Variants in COL22A1 observed in about 807,000 individuals in gnomAD.
COL22A1 encodes the protein collagen alpha-1(XXII) chain.
Under a neutral mutation model 248.9 loss-of-function variants are expected in COL22A1, and 221 were observed. The ratio of observed to expected loss-of-function variants is 0.89; its 90% confidence interval spans 0.80 to 0.99. The LOEUF (loss-of-function observed/expected upper bound fraction) is 0.99. COL22A1 is among the 50% of genes least tolerant of loss of function. COL22A1 has a pLI of 0.00. For missense variants in COL22A1, 2,240 were observed against 2,179.0 expected, an observed-to-expected ratio of 1.03 and a Z score of -0.56; for synonymous variants, 891 against 793.4, an observed-to-expected ratio of 1.12 and a Z score of -2.07.
intron 21 of COL22A1, among the ~76,000 whole-genome samples, chr8:138,754,828 C>T (rs1832862220): frequency 6.6e-6 from 1 of 152,222 alleles, no homozygotes; most frequent in African/African-American, 2.4e-5. Context: ...TTTTATTCTA[C>T]TTTATCTGAA....
At chr8:138,827,720 C>G (rs73366857) in intron 5 of COL22A1, among the ~76,000 whole-genome samples, 172 of 151,982 alleles carry the variant, frequency 1.1e-3, no homozygotes, top group African/African-American at 3.8e-3. Flanking sequence ...TCAATCCCCC[C>G]CACCGAGAAC....
intron 3 of COL22A1, among the ~76,000 whole-genome samples, chr8:138,850,432 CA>C (rs1293948514): frequency 6.6e-6 from 1 of 152,234 alleles, no homozygotes; most frequent in Non-Finnish European, 1.5e-5. Flanking sequence ...AACACTGGCC[CA>C]GGAGATCAGG....
intron 49 of COL22A1, among the ~76,000 whole-genome samples, chr8:138,633,215 C>A (rs1323494563): frequency 6.6e-6 from 1 of 152,242 alleles, no homozygotes; most frequent in African/African-American, 2.4e-5. Flanking sequence ...GCTGCCTCAG[C>A]ATCCATTCTC....
chr8:138,845,666 C>G (rs1376512033), intron 3 of COL22A1, among the ~76,000 whole-genome samples: 1 of 152,162 alleles, frequency 6.6e-6, no homozygotes, highest in African/African-American at 2.4e-5. Flanking sequence ...CCCTCTGTGG[C>G]TTAGAGAAGT....
chr8:138,769,529 G>T (rs1328445668), intron 16 of COL22A1, among the ~76,000 whole-genome samples: 1 of 151,916 alleles, frequency 6.6e-6, no homozygotes, highest in African/African-American at 2.4e-5. Flanking sequence ...CCACCCAAAG[G>T]GCTGCCTTGT....
intron 11 of COL22A1, among the ~76,000 whole-genome samples, chr8:138,798,599 A>C (rs1816750475): frequency 6.6e-6 from 1 of 152,196 alleles, no homozygotes; most frequent in Non-Finnish European, 1.5e-5. Flanking sequence ...TTTTATGCGT[A>C]TTACATGCGT....
intron 56 of COL22A1, among the ~76,000 whole-genome samples, chr8:138,612,763 C>T (rs1818968630): frequency 6.6e-6 from 1 of 151,396 alleles, no homozygotes; most frequent in Admixed American, 6.6e-5. Flanking sequence ...CCCATCTCTA[C>T]TAAAAATAAA....
At chr8:138,839,495 C>A (rs995367172) in intron 4 of COL22A1, among the ~76,000 whole-genome samples, 1 of 152,122 alleles carries the variant, frequency 6.6e-6, no homozygotes, top group East Asian at 1.9e-4. Flanking sequence ...AGGGGCAAGA[C>A]CAGCCAGGAG....
At chr8:138,652,457 A>T (rs1399841498) in intron 45 of COL22A1, among the ~76,000 whole-genome samples, 1 of 152,140 alleles carries the variant, frequency 6.6e-6, no homozygotes, top group East Asian at 1.9e-4. Context: ...GCCTTGCCCC[A>T]TTTGCAGATC....
chr8:138,852,107 G>C (rs1341496231), intron 3 of COL22A1, among the ~76,000 whole-genome samples: 1 of 152,164 alleles, frequency 6.6e-6, no homozygotes, highest in Non-Finnish European at 1.5e-5. Context: ...GAAGAGTGGG[G>C]ACACATGGCT....
chr8:138,638,685 A>G (rs1821409966), intron 47 of COL22A1, among the ~76,000 whole-genome samples: 1 of 152,178 alleles, frequency 6.6e-6, no homozygotes, highest in Non-Finnish European at 1.5e-5. Context: ...TTTTCCACGT[A>G]ATTATTTTTA....
At chr8:138,795,528 G>GACACACACACAC (rs6150850) in intron 12 of COL22A1, among the ~76,000 whole-genome samples, 8,907 of 144,770 alleles carry the variant, frequency 0.062, 349 homozygotes, top group African/African-American at 0.1. Context: ...CTCTCTTTCA[G>GACACACACACAC]ACACACACAC....
At chr8:138,677,992 T>G (rs1825694433) in intron 40 of COL22A1, among the ~76,000 whole-genome samples, 1 of 152,248 alleles carries the variant, frequency 6.6e-6, no homozygotes. Flanking sequence ...TCGATATTGC[T>G]AGGTAATTTG....
Position 138,700,800 on chromosome 8 carries a change from T to C in COL22A1, c.2560-656A>G, listed in dbSNP as rs888791906. ...GAGATTGAGACCGCCCTGGCTAACA[T>C]GGTGAAACCCAGTCTCTACTAAAAA... On this transcript the variant is annotated intron_variant, in intron 31 of 64. Coordinates refer to ENST00000303045, the MANE Select transcript of COL22A1 (RefSeq NM_152888.3). Among the ~76,000 whole-genome samples, 6 of 152,140 alleles carry C rather than the reference T, an allele frequency of 3.9e-5. No homozygotes were observed. In the East Asian group the frequency reaches 5.8e-4, roughly 15 times the overall value.
At chr8:138,691,915 T>C (rs1333950071) in intron 35 of COL22A1, among the ~76,000 whole-genome samples, 1 of 144,346 alleles carries the variant, frequency 6.9e-6, no homozygotes, top group African/African-American at 2.6e-5. Context: ...CACGTGCATG[T>C]GTGCATGTTT....
intron 11 of COL22A1, among the ~76,000 whole-genome samples, chr8:138,800,419 G>T (rs532646155): frequency 2.0e-5 from 3 of 152,258 alleles, no homozygotes; most frequent in Non-Finnish European, 2.9e-5. Flanking sequence ...TATCTTTTTG[G>T]GGGGAGTAGA....
intron 16 of COL22A1, among the ~76,000 whole-genome samples, chr8:138,771,717 C>T (rs1025330635): frequency 5.3e-5 from 8 of 152,172 alleles, no homozygotes; most frequent in Admixed American, 1.3e-4. Flanking sequence ...AGTTATGGAC[C>T]GGACGCTGTT....
intron 61 of COL22A1, 113 bp downstream of exon 61, chr8:138,598,606 A>T: frequency 9.9e-7 from 1 of 1,010,114 alleles, no homozygotes; most frequent in Non-Finnish European, 1.5e-6. Context: ...TCATACCTTC[A>T]GTCACTAGAA....
At chr8:138,890,361 G>A (rs965478010) in intron 1 of COL22A1, among the ~76,000 whole-genome samples, 1 of 152,174 alleles carries the variant, frequency 6.6e-6, no homozygotes, top group African/African-American at 2.4e-5. Flanking sequence ...GCTACTGGAA[G>A]TTCTAGCCAC....
Sources: gnomAD v4.1 joint callset for allele counts (sites outside exome capture counted in the v4.1 genomes callset) on GRCh38, gnomAD v4.1.1 for gene constraint, MANE v1.5 for transcripts, NCBI Gene and HGNC (gene_info 2026-07-23, HGNC 2026-07-21) for gene names.